GRAMD4: variants seen among roughly 807,000 people sequenced by gnomAD.
GRAMD4 encodes GRAM domain containing 4.
In GRAMD4, 25 loss-of-function variants were observed where a neutral mutation model predicts 83.9. The ratio of observed to expected loss-of-function variants is 0.30; its 90% CI spans 0.22 to 0.42. The LOEUF (loss-of-function observed/expected upper bound fraction) is 0.42. GRAMD4 is among the 10% of genes least tolerant of loss of function. The pLI, the probability that GRAMD4 is intolerant of heterozygous loss-of-function variation, is 1.00. For missense variants in GRAMD4, 593 were observed against 788.7 expected, an observed-to-expected ratio of 0.75 and a Z score of 2.97; for synonymous variants, 336 against 320.9, an observed-to-expected ratio of 1.05 and a Z score of -0.50.
rs1032349790 is a variant in GRAMD4 at position 46,664,842 on chromosome 22, T to G, written c.717+725T>G. ...AGCACTGCCCTGCTGAGCGGGCCCC[T>G]TGGGAGAGGTCCCCAGATGACCTCA... On this transcript the variant is annotated intron_variant, in intron 8 of 18. Coordinates refer to ENST00000406902, the MANE Select transcript of GRAMD4 (RefSeq NM_015124.5). 2.0e-5 allele frequency among the ~76,000 whole-genome samples: 3 copies of G among 152,336 alleles called. No individual in the cohort carries two copies. The South Asian group carries it at 6.2e-4, about 32-fold the overall frequency.
intron 1 of GRAMD4, among the ~76,000 whole-genome samples, chr22:46,594,281 C>A (rs2081238878): frequency 6.6e-6 from 1 of 152,000 alleles, no homozygotes; most frequent in Non-Finnish European, 1.5e-5. Context: ...TGTAGCTCTA[C>A]CCACAGGCCA....
intron 3 of GRAMD4, among the ~76,000 whole-genome samples, chr22:46,648,860 A>ATAGG (rs1370483247): frequency 4.2e-5 from 5 of 119,762 alleles, no homozygotes; most frequent in Admixed American, 8.0e-5. Context: ...GGATGGATGG[A>ATAGG]TGCATGGATG....
At position 46,664,131 on chromosome 22, in the gene GRAMD4, C is replaced by T. The variant is rs1446110669; in HGVS notation, c.717+14C>T. ...ATTGCCTTCACCGTGAGTGGGTCCT[C>T]CAGGGGCCGAGCAGGGTGGGTGGGA... is the stretch of plus-strand genomic sequence containing the variant. On this transcript the variant is annotated intron_variant, in intron 8 of 18. Coordinates refer to ENST00000406902, the MANE Select transcript of GRAMD4 (RefSeq NM_015124.5). 3 of 1,583,128 alleles carry T rather than the reference C, an allele frequency of 1.9e-6. No homozygotes were observed. The South Asian group carries it at 3.3e-5, about 17-fold the overall frequency.
chr22:46,587,429 AG>A (rs1315577816), intron 1 of GRAMD4, among the ~76,000 whole-genome samples: 1 of 151,922 alleles, frequency 6.6e-6, no homozygotes, highest in African/African-American at 2.4e-5. Context: ...CAGCTCTGGG[AG>A]GCGGAGGCCG....
chr22:46,665,052 G>A lies in GRAMD4; in HGVS notation c.718-563G>A, dbSNP rs151008498. 2.8e-3 allele frequency among the ~76,000 whole-genome samples: 430 copies of A among 152,362 alleles called. 6 individuals are homozygous for A. Among genetic ancestry groups the A allele is most frequent in the African/African-American group, 9.9e-3 (410 of 41,580 alleles). ...CCTGCCACCCTCACAAATGCTTTGC[G>A]ACAGGAGGCCTTTGCTGCCTGGGCT... is the stretch of plus-strand genomic sequence containing the variant. On this transcript the variant is annotated intron_variant, in intron 8 of 18. Coordinates refer to ENST00000406902, the MANE Select transcript of GRAMD4 (RefSeq NM_015124.5).
intron 1 of GRAMD4, among the ~76,000 whole-genome samples, chr22:46,596,196 A>G (rs2081260565): frequency 6.6e-6 from 1 of 152,258 alleles, no homozygotes; most frequent in Admixed American, 6.5e-5. Flanking sequence ...AGCTGTGCCC[A>G]GCCCCCTGCT....
intron 6 of GRAMD4, among the ~76,000 whole-genome samples, 171 bp from the exon 7 acceptor site, chr22:46,663,667 G>A (rs950252780): frequency 1.4e-4 from 22 of 152,310 alleles, no homozygotes; most frequent in Non-Finnish European, 2.9e-4. Flanking sequence ...CCATCCCGGC[G>A]CACCCTGCTG....
chr22:46,633,701 C>T (rs1348075031), intron 2 of GRAMD4, among the ~76,000 whole-genome samples: 1 of 152,360 alleles, frequency 6.6e-6, no homozygotes, highest in Non-Finnish European at 1.5e-5. Context: ...GGTCCTCTCT[C>T]TCCAGCATCA....
At chr22:46,595,138 A>G (rs763371264) in intron 1 of GRAMD4, among the ~76,000 whole-genome samples, 13 of 151,908 alleles carry the variant, frequency 8.6e-5, no homozygotes, top group African/African-American at 3.1e-4. Flanking sequence ...TCCCCTGGAG[A>G]CACACAGGGT....
At chr22:46,614,895 G>GTGTGGGTT (rs2081457660) in intron 1 of GRAMD4, among the ~76,000 whole-genome samples, 4 of 11,254 alleles carry the variant, frequency 3.6e-4, no homozygotes, top group Admixed American at 9.5e-4. Flanking sequence ...GTTCCCCTGT[G>GTGTGGGTT]CATGTAGGTT....
chr22:46,677,188 C>A lies in GRAMD4; in HGVS notation c.1674C>A (p.Phe558Leu), dbSNP rs1324637064. ...FGAMVHRDEAFETILSQYIKI... is the reference protein window; with the variant it reads ...FGAMVHRDEALETILSQYIKI... ...CCATGGTGCACAGGGATGAGGCCTT[C>A]GAGACCATTCTCAGCCAGTACATCA... Residue 558 changes from phenylalanine to leucine, a missense_variant, in exon 19 of 19, where the codon TTC (phenylalanine) becomes TTA (leucine). Physicochemically the swap from Phe to Leu is conservative, Grantham distance 22. Transcript: ENST00000406902. The A allele has an allele frequency of 1.2e-6, 2 of 1,613,704 alleles. No homozygotes were observed. The highest frequency in any genetic ancestry group is 1.7e-6 in the Non-Finnish European group (2 of 1,179,976).
intron 3 of GRAMD4, among the ~76,000 whole-genome samples, chr22:46,644,973 C>T (rs1458784930): frequency 7.8e-6 from 1 of 128,670 alleles, no homozygotes; most frequent in Non-Finnish European, 1.6e-5. Context: ...TGATCTTGAA[C>T]TCCTGGACTC....
chr22:46,647,363 TG>T (rs1454069504), intron 3 of GRAMD4, among the ~76,000 whole-genome samples: 2 of 152,242 alleles, frequency 1.3e-5, no homozygotes, highest in Non-Finnish European at 2.9e-5. Flanking sequence ...TTACACATTG[TG>T]GATGTTTGGC....
chr22:46,679,346 G>A lies in GRAMD4; in HGVS notation c.*2095G>A, dbSNP rs1266473005. The A allele has an allele frequency of 2.0e-6, 2 of 984,144 alleles. No individual in the cohort carries two copies. The highest frequency in any genetic ancestry group is 2.4e-6 in the Non-Finnish European group (2 of 829,912). 61.0% of individuals were successfully genotyped at this position (984,144 alleles called of 1,614,324 possible). A position where few individuals can be genotyped will look rare whatever the true frequency, so the allele number is the denominator to read the frequency against. ...GAAAACTGACCACGTGCCAGGTGTG[G>A]CCGAAGCCCCCAGGGAGGGCCACAT... On this transcript the variant is annotated 3_prime_UTR_variant, in exon 19 of 19. Coordinates refer to ENST00000406902, the MANE Select transcript of GRAMD4 (RefSeq NM_015124.5).
chr22:46,611,756 C>T (rs1207341036), intron 1 of GRAMD4, among the ~76,000 whole-genome samples: 3 of 150,742 alleles, frequency 2.0e-5, no homozygotes, highest in Admixed American at 6.6e-5. Flanking sequence ...TTTGGGAGGC[C>T]GAGGTGGGTG....
chr22:46,629,023 A>G (rs1375055317), intron 2 of GRAMD4, among the ~76,000 whole-genome samples: 2 of 151,952 alleles, frequency 1.3e-5, no homozygotes, highest in Admixed American at 1.3e-4. Flanking sequence ...GTAGGGGCAA[A>G]TGCTGCAGAG....
chr22:46,666,066 G>A (rs1176816961), intron 9 of GRAMD4, among the ~76,000 whole-genome samples: 1 of 152,236 alleles, frequency 6.6e-6, no homozygotes, highest in Non-Finnish European at 1.5e-5. Context: ...GCTGCCTGTT[G>A]GAGATGAGCC....
At chr22:46,602,692 G>T (rs369117992) in intron 1 of GRAMD4, among the ~76,000 whole-genome samples, 1 of 151,480 alleles carries the variant, frequency 6.6e-6, no homozygotes. Flanking sequence ...CTCATTATAA[G>T]TGAAGGTTAA....
chr22:46,671,352 A>G (rs1324001344), intron 13 of GRAMD4, among the ~76,000 whole-genome samples: 2 of 152,222 alleles, frequency 1.3e-5, no homozygotes, highest in Non-Finnish European at 2.9e-5. Context: ...AGACCAGCCC[A>G]GCCAACATGG....
Sources: allele counts gnomAD v4.1 joint callset (sites outside exome capture counted in the v4.1 genomes callset), GRCh38; gene constraint gnomAD v4.1.1; transcripts MANE v1.5; gene names NCBI Gene and HGNC (gene_info 2026-07-23, HGNC 2026-07-21).